Variants in ADARB2 observed in about 807,000 individuals in gnomAD.
ADARB2 encodes adenosine deaminase RNA specific B2 (inactive).
Under a neutral mutation model 62.2 loss-of-function variants are expected in ADARB2, and 25 were observed. That is an observed-to-expected ratio of 0.40 (90% CI 0.29 to 0.56). The LOEUF (loss-of-function observed/expected upper bound fraction) is 0.56. ADARB2 is among the 20% of genes least tolerant of loss of function. The pLI is 0.43. For missense variants in ADARB2, 1,071 were observed against 1,077.4 expected (o/e 0.99, Z 0.08); for synonymous variants, 572 against 500.8 (o/e 1.14, Z -1.90).
chr10:1,722,145 G>A (rs951403201), intron 1 of ADARB2, among the ~76,000 whole-genome samples: 1 of 151,832 alleles, frequency 6.6e-6, no homozygotes, highest in Admixed American at 6.6e-5. Flanking sequence ...TAAACCCTTC[G>A]TTACACTGTG....
chr10:1,356,009 T>C (rs557686227), intron 3 of ADARB2, among the ~76,000 whole-genome samples: 1 of 152,344 alleles, frequency 6.6e-6, no homozygotes, highest in African/African-American at 2.4e-5. Context: ...AAATGTATTG[T>C]TAAGCATCTA....
chr10:1,305,813 C>A (rs1379175750), intron 3 of ADARB2, among the ~76,000 whole-genome samples: 1 of 152,164 alleles, frequency 6.6e-6, no homozygotes, highest in Non-Finnish European at 1.5e-5. Flanking sequence ...ACATGATTAT[C>A]TCAATAGATG....
Position 1,351,910 on chromosome 10 carries a change from T to G in ADARB2, c.1077+11118A>C, listed in dbSNP as rs550493344. 1.7e-3 allele frequency among the ~76,000 whole-genome samples: 247 copies of G among 148,250 alleles called. 23 individuals carry two copies. Among genetic ancestry groups the G allele is most frequent in the African/African-American group, 6.3e-3 (240 of 38,194 alleles). ...CAAATTGTTTTGCCTATCCACCCCT[T>G]GGTGCCAAACCCATATACTCTCCTA... On this transcript the variant is annotated intron_variant, in intron 3 of 9. Coordinates refer to ENST00000381312, the MANE Select transcript of ADARB2 (RefSeq NM_018702.4).
intron 1 of ADARB2, among the ~76,000 whole-genome samples, chr10:1,418,050 G>T (rs1006352840): frequency 6.6e-6 from 1 of 152,192 alleles, no homozygotes; most frequent in Non-Finnish European, 1.5e-5. Flanking sequence ...GAGATGTCTG[G>T]GGAGACTTGA....
At chr10:1,618,554 A>ATTT (rs35095103) in intron 1 of ADARB2, among the ~76,000 whole-genome samples, 2 of 146,860 alleles carry the variant, frequency 1.4e-5, no homozygotes, top group Non-Finnish European at 1.5e-5. Flanking sequence ...TAAAAATCAG[A>ATTT]TTTTTTTTTG....
intron 1 of ADARB2, among the ~76,000 whole-genome samples, chr10:1,431,424 A>C (rs1196994806): frequency 2.6e-5 from 4 of 152,332 alleles, no homozygotes; most frequent in African/African-American, 9.6e-5. Context: ...GTTAAGACGC[A>C]GCTAAAGCAG....
At chr10:1,374,581 C>T (rs10903431) in intron 2 of ADARB2, among the ~76,000 whole-genome samples, 20,552 of 152,170 alleles carry the variant, frequency 0.14, 2,135 homozygotes, top group East Asian at 0.48. Context: ...AGAGCATGTG[C>T]GGGTGGGGCC....
At chr10:1,257,717 T>G (rs1375182892) in intron 4 of ADARB2, among the ~76,000 whole-genome samples, 1 of 152,184 alleles carries the variant, frequency 6.6e-6, no homozygotes, top group Non-Finnish European at 1.5e-5. Context: ...CAGGAGACCC[T>G]GTGTTTCTTG....
rs796762718 is a variant in ADARB2 at position 1,547,408 on chromosome 10, C to T, written c.101-168248G>A. Reference sequence around the variant, plus strand: ...GTGTTGGGGGGAGAGGCTGCACTGGCGTATGCACTATGGGGAGGGGGAGAG... The same window carrying T: ...GTGTTGGGGGGAGAGGCTGCACTGGTGTATGCACTATGGGGAGGGGGAGAG... On this transcript the variant is annotated intron_variant, in intron 1 of 9. Coordinates refer to ENST00000381312, the MANE Select transcript of ADARB2 (RefSeq NM_018702.4). Among the ~76,000 whole-genome samples, 64 of 49,166 alleles carry T rather than the reference C, an allele frequency of 1.3e-3. 1 individual carries two copies. The highest frequency in any genetic ancestry group is 6.9e-3 in the South Asian group (7 of 1,008). The allele number at this position is 49,166 out of a possible 152,430, so 32.3% of individuals were successfully genotyped here. A position where few individuals can be genotyped will look rare whatever the true frequency, so the allele number is the denominator to read the frequency against.
chr10:1,380,700 A>G (rs1430320267), intron 1 of ADARB2, among the ~76,000 whole-genome samples: 2 of 152,242 alleles, frequency 1.3e-5, no homozygotes, highest in Non-Finnish European at 2.9e-5. Context: ...AAATAACTCA[A>G]ATATAAAATG....
chr10:1,196,646 G>C (rs183841894), intron 8 of ADARB2, among the ~76,000 whole-genome samples: 2 of 152,196 alleles, frequency 1.3e-5, no homozygotes, highest in African/African-American at 4.8e-5. Context: ...CATAAGCTAT[G>C]TGCCATCTAA....
chr10:1,673,719 G>A (rs79486175), intron 1 of ADARB2, among the ~76,000 whole-genome samples: 4,143 of 152,300 alleles, frequency 0.027, 91 homozygotes, highest in South Asian at 0.044. Context: ...GCATGGACAG[G>A]GCTCAGGACG....
intron 1 of ADARB2, among the ~76,000 whole-genome samples, chr10:1,502,649 G>A (rs1271649137): frequency 6.6e-6 from 1 of 152,254 alleles, no homozygotes; most frequent in Non-Finnish European, 1.5e-5. Context: ...CCTGTGGACG[G>A]AAGTCTGAGT....
intron 3 of ADARB2, among the ~76,000 whole-genome samples, chr10:1,294,883 T>C (rs1235601085): frequency 6.6e-6 from 1 of 152,130 alleles, no homozygotes; most frequent in African/African-American, 2.4e-5. Flanking sequence ...TTAAAAACTG[T>C]CCCCTGCCAA....
rs1835315004 is a variant in ADARB2, at chr10:1,737,330, A to G, written c.-180T>C. ...CTCTCTGTCTCTCGAATTGTTCTCT[A>G]TGACTTGCTCCCACTGGGCTGGGGG... On this transcript the variant is annotated 5_prime_UTR_variant, in exon 1 of 10. Coordinates refer to ENST00000381312, the MANE Select transcript of ADARB2 (RefSeq NM_018702.4). 1 of 616,292 alleles carries G rather than the reference A, an allele frequency of 1.6e-6. No homozygotes were observed. The highest frequency in any genetic ancestry group is 2.9e-5 in the East Asian group (1 of 34,858). The allele number at this position is 616,292 out of a possible 1,614,324, so 38.2% of individuals were successfully genotyped here.
intron 1 of ADARB2, among the ~76,000 whole-genome samples, chr10:1,509,338 T>G (rs1831892801): frequency 6.6e-6 from 1 of 152,210 alleles, no homozygotes; most frequent in East Asian, 1.9e-4. Context: ...TAATTTTATT[T>G]TTTATGCAAT....
intron 1 of ADARB2, among the ~76,000 whole-genome samples, chr10:1,456,671 A>G (rs1831100226): frequency 6.6e-6 from 1 of 152,156 alleles, no homozygotes; most frequent in Non-Finnish European, 1.5e-5. Context: ...GGCGTGGTAA[A>G]AAGGGTCACT....
intron 1 of ADARB2, among the ~76,000 whole-genome samples, chr10:1,657,412 C>G (rs1171115148): frequency 6.8e-6 from 1 of 146,996 alleles, no homozygotes; most frequent in East Asian, 2.0e-4. Context: ...AAAATTCCTT[C>G]TTTTTAAAAG....
At chr10:1,602,065 C>T (rs1034983349) in intron 1 of ADARB2, among the ~76,000 whole-genome samples, 7 of 152,126 alleles carry the variant, frequency 4.6e-5, no homozygotes, top group African/African-American at 7.2e-5. Flanking sequence ...TGTGTGCAAA[C>T]GGAGCAGGGA....
Sources: allele counts gnomAD v4.1 joint callset (sites outside exome capture counted in the v4.1 genomes callset), GRCh38; gene constraint gnomAD v4.1.1; transcripts MANE v1.5; gene names NCBI Gene and HGNC (gene_info 2026-07-23, HGNC 2026-07-21).